RNASEH1: variants seen among roughly 807,000 people sequenced by gnomAD.
The protein encoded by RNASEH1 is ribonuclease H type II.
RNASEH1 carries 27 observed loss-of-function variants against 34.6 expected under a neutral mutation model. The ratio of observed to expected loss-of-function variants is 0.78; its 90% CI spans 0.58 to 1.08. The LOEUF (loss-of-function observed/expected upper bound fraction) is 1.08. RNASEH1 is among the 50% of genes least tolerant of loss of function. The probability of loss-of-function intolerance (pLI) is 0.00; values close to 1 mark genes in which losing one functional copy is unlikely to be tolerated. For synonymous variants in RNASEH1, 162 were observed against 138.4 expected, an observed-to-expected ratio of 1.17 and a Z score of -1.20; for missense variants, 349 against 373.6, an observed-to-expected ratio of 0.93 and a Z score of 0.54.
In RNASEH1 at chr2:3,541,530, T is replaced by C. The variant is rs979665610; in HGVS notation, c.*4255A>G. Among the ~76,000 whole-genome samples, 16 of 152,320 alleles carry C rather than the reference T, an allele frequency of 1.1e-4. No homozygotes were observed. In the East Asian group the frequency reaches 2.5e-3, roughly 24 times the overall value. ...AAATAAATAAACTGTGGTATATCCATGCAATACAAAATGTGGATTATTGAT... is the reference window on the plus strand; with the variant it reads ...AAATAAATAAACTGTGGTATATCCACGCAATACAAAATGTGGATTATTGAT... On this transcript the variant is annotated 3_prime_UTR_variant, in exon 8 of 8. Transcript: ENST00000315212.
intron 4 of RNASEH1, among the ~76,000 whole-genome samples, chr2:3,549,535 CCA>C (rs1669081213): frequency 6.6e-6 from 1 of 152,180 alleles, no homozygotes; most frequent in South Asian, 2.1e-4. Context: ...ACCAGGAGAT[CCA>C]GAGTTTCCTA....
At chr2:3,537,950 T>C (rs917072916), downstream of RNASEH1, among the ~76,000 whole-genome samples, 10 of 152,018 alleles carry the variant, frequency 6.6e-5, no homozygotes, top group Non-Finnish European at 1.0e-4. Context: ...GGCAGGAGAA[T>C]TGCTTGAACC....
At chr2:3,553,228 A>T (rs575007180) in intron 2 of RNASEH1, among the ~76,000 whole-genome samples, 1 of 150,966 alleles carries the variant, frequency 6.6e-6, no homozygotes, top group Admixed American at 6.6e-5. Context: ...AGCCTGGGCG[A>T]GAGAGTGAGA....
chr2:3,550,036 G>C (rs1669133018), intron 4 of RNASEH1: 1 of 250,270 alleles, frequency 4.0e-6, no homozygotes, highest in South Asian at 5.3e-5. Flanking sequence ...CCAACAGTTT[G>C]GGAGGCCAAG....
At chr2:3,548,157 C>CAAGGATGGTG in intron 6 of RNASEH1, 102 bp from the exon 7 acceptor site, 1 of 1,412,490 alleles carries the variant, frequency 7.1e-7, no homozygotes, top group Non-Finnish European at 9.8e-7. Context: ...TATTCTGAGT[C>CAAGGATGGTG]ACCATCCTTG....
At chr2:3,552,461 G>A (rs1660045568) in intron 2 of RNASEH1, among the ~76,000 whole-genome samples, 153 bp from the exon 3 acceptor site, 1 of 149,332 alleles carries the variant, frequency 6.7e-6, no homozygotes, top group African/African-American at 2.5e-5. Flanking sequence ...ACGAGGGAAT[G>A]ACCCCCTCCA....
chr2:3,534,707 G>A, the RNASEH1 span, among the ~76,000 whole-genome samples: 4 of 152,254 alleles, frequency 2.6e-5, no homozygotes, highest in Admixed American at 2.6e-4. Context: ...CACCAGCAGT[G>A]ATCCTTGGGC....
chr2:3,557,000 G>C, intron 1 of RNASEH1, 96 bp from the exon 2 acceptor site: 3 of 865,174 alleles, frequency 3.5e-6, no homozygotes, highest in Non-Finnish European at 1.9e-6. Flanking sequence ...TTGTCCCTTG[G>C]TATCTGAGGG....
chr2:3,536,208 AT>A, the RNASEH1 span, among the ~76,000 whole-genome samples: 1 of 152,250 alleles, frequency 6.6e-6, no homozygotes, highest in Non-Finnish European at 1.5e-5. Flanking sequence ...AGAGTAGAGA[AT>A]TTTAAAAGAA....
At chr2:3,554,296 C>A (rs1660273777) in intron 2 of RNASEH1, among the ~76,000 whole-genome samples, 1 of 152,266 alleles carries the variant, frequency 6.6e-6, no homozygotes, top group Non-Finnish European at 1.5e-5. Flanking sequence ...TTTTGTAGAA[C>A]CTTAACACGG....
chr2:3,546,008 T>C (rs1668715653), intron 7 of RNASEH1, 137 bp from the exon 8 acceptor site: 4 of 670,868 alleles, frequency 6.0e-6, no homozygotes, highest in East Asian at 2.7e-5. Context: ...TCCCCAGACA[T>C]GATCCTCAAC....
chr2:3,549,189 A>C (rs1199765930), intron 4 of RNASEH1, 77 bp from the exon 5 acceptor site: 1 of 1,049,126 alleles, frequency 9.5e-7, no homozygotes, highest in African/African-American at 1.6e-5. Context: ...GGATAACGAT[A>C]AACTAGTGTG....
Position 3,549,129 on chromosome 2 carries a change from C to G in RNASEH1, c.510-17G>C. The G allele has an allele frequency of 6.2e-7, 1 of 1,600,038 alleles. No homozygotes were observed. The highest frequency in any genetic ancestry group is 1.1e-5 in the South Asian group (1 of 90,208). ...CCTACATTTCTGTTTCAAAACAGTA[C>G]AAAAGAAAATAAAAGTATAAAGTGA... is the stretch of plus-strand genomic sequence containing the variant. On this transcript the variant is annotated splice_polypyrimidine_tract_variant and intron_variant, in intron 4 of 7. Transcript: ENST00000315212.
downstream of RNASEH1, among the ~76,000 whole-genome samples, chr2:3,538,446 C>A (rs1485527681): frequency 1.3e-5 from 2 of 151,986 alleles, no homozygotes; most frequent in Non-Finnish European, 2.9e-5. Flanking sequence ...CTGTTCCCAC[C>A]CACAGCATCC....
chr2:3,541,140 A>G (rs548801694), downstream of RNASEH1, among the ~76,000 whole-genome samples: 1 of 152,186 alleles, frequency 6.6e-6, no homozygotes, highest in East Asian at 1.9e-4. Context: ...CATCCTGACT[A>G]ACACAGTGAA....
chr2:3,557,049 C>CA, intron 1 of RNASEH1, 145 bp from the exon 2 acceptor site: 1 of 627,252 alleles, frequency 1.6e-6, no homozygotes, highest in Non-Finnish European at 2.9e-6. Context: ...ATCACAGATA[C>CA]CAACATCAGA....
rs1227176438 is a variant in RNASEH1, at chr2:3,552,320, G to C, written c.245-12C>G. 6.2e-7 allele frequency: 1 copy of C among 1,611,134 alleles called. No homozygotes were observed. Among genetic ancestry groups the C allele is most frequent in the South Asian group, 1.1e-5 (1 of 90,586 alleles). ...TTGATTTTCATGCCCTGAAAGACAAGAGTCCACTCGTGAGCTGGAAACAAT... is the reference window on the plus strand; with the variant it reads ...TTGATTTTCATGCCCTGAAAGACAACAGTCCACTCGTGAGCTGGAAACAAT... On this transcript the variant is annotated splice_polypyrimidine_tract_variant and intron_variant, in intron 2 of 7. Transcript: ENST00000315212.
In RNASEH1 at chr2:3,547,946, C is replaced by T. The variant is rs903827037; in HGVS notation, c.759G>A (p.Gly253=). ...AGATACTCACCCACTGAATGTCCATCCCCTGGGTAAGCCTCTCCAGTGCCA... is the reference window on the plus strand; with the variant it reads ...AGATACTCACCCACTGAATGTCCATTCCCTGGGTAAGCCTCTCCAGTGCCA... ...DFVALERLTQ[G]MDIQWMHVPG... Residue 253 remains glycine, a synonymous_variant, in exon 7 of 8, where the codon GGG becomes GGA. Transcript: ENST00000315212. 5.6e-6 allele frequency: 9 copies of T among 1,613,656 alleles called. No homozygotes were observed. The Admixed American group carries it at 6.7e-5, about 12-fold the overall frequency.
At chr2:3,538,864 C>A (rs73910583), downstream of RNASEH1, among the ~76,000 whole-genome samples, 2 of 152,172 alleles carry the variant, frequency 1.3e-5, no homozygotes, top group African/African-American at 2.4e-5. Context: ...GGTGAGCACA[C>A]GTTTCCAGGC....
Sources: gnomAD v4.1 joint callset for allele counts (sites outside exome capture counted in the v4.1 genomes callset) on GRCh38, gnomAD v4.1.1 for gene constraint, MANE v1.5 for transcripts, NCBI Gene and HGNC (gene_info 2026-07-23, HGNC 2026-07-21) for gene names.